The following SAFB variants were observed in gnomAD, a reference collection of about 807,000 sequenced individuals.
The protein encoded by SAFB is scaffold attachment factor B1.
Under a neutral mutation model 101.6 loss-of-function variants are expected in SAFB, and 15 were observed. The ratio of observed to expected loss-of-function variants is 0.15; its 90% CI spans 0.10 to 0.23. The LOEUF (loss-of-function observed/expected upper bound fraction) is 0.23. Ranked by LOEUF, SAFB falls within the 10% of genes least tolerant of loss-of-function variation. The pLI is 1.00. For missense variants in SAFB, 930 were observed against 1,104.1 expected (o/e 0.84, Z 2.23); for synonymous variants, 449 against 407.5 (o/e 1.10, Z -1.23).
At chr19:5,643,858 CAA>C (rs550517968) in intron 4 of SAFB, among the ~76,000 whole-genome samples, 12 of 114,472 alleles carry the variant, frequency 1.0e-4, no homozygotes, top group African/African-American at 1.7e-4. Flanking sequence ...GTGAGACTCT[CAA>C]AAAAAAAAAA....
intron 9 of SAFB, among the ~76,000 whole-genome samples, 164 bp downstream of exon 9, chr19:5,651,236 G>A (rs2053931886): frequency 6.6e-6 from 1 of 152,172 alleles, no homozygotes; most frequent in Non-Finnish European, 1.5e-5. Context: ...GGTGAGAGTG[G>A]TGTGGAAGCT....
chr19:5,627,089 C>G lies in SAFB; in HGVS notation c.274+600C>G, dbSNP rs2053381837. ...TACTTGGGAGTTTTAGGAGGGGGAT[C>G]ACTTGAGCCCAGGAGCTCAAGCCTG... On this transcript the variant is annotated intron_variant, in intron 2 of 20. Transcript: ENST00000588852. Among the ~76,000 whole-genome samples the G allele has an allele frequency of 2.0e-5, 3 of 151,892 alleles. No individual in the cohort carries two copies. The South Asian group carries it at 6.2e-4, about 32-fold the overall frequency.
intron 14 of SAFB, among the ~76,000 whole-genome samples, chr19:5,659,129 G>A (rs1479255717): frequency 8.0e-5 from 12 of 150,398 alleles, no homozygotes; most frequent in African/African-American, 2.9e-4. Context: ...GTGACAGAGC[G>A]AGACTCCGTC....
At chr19:5,665,336 G>A (rs1160704196) in intron 17 of SAFB, 1 of 152,066 alleles carries the variant, frequency 6.6e-6, no homozygotes, top group Non-Finnish European at 1.5e-5. Context: ...CCATGTAAAG[G>A]CTCCAGAATC....
intron 9 of SAFB, among the ~76,000 whole-genome samples, chr19:5,651,486 C>T (rs1356067773): frequency 6.6e-6 from 1 of 152,204 alleles, no homozygotes; most frequent in African/African-American, 2.4e-5. Flanking sequence ...TGATAGGGGT[C>T]CTCACCACGG....
At chr19:5,655,791 A>T (rs1211575421) in intron 13 of SAFB, among the ~76,000 whole-genome samples, 1 of 152,206 alleles carries the variant, frequency 6.6e-6, no homozygotes, top group Non-Finnish European at 1.5e-5. Flanking sequence ...CGGAAAAAGG[A>T]AAGTGTGGGT....
chr19:5,628,793 A>G (rs993399330), intron 2 of SAFB, among the ~76,000 whole-genome samples: 1 of 152,244 alleles, frequency 6.6e-6, no homozygotes, highest in East Asian at 1.9e-4. Flanking sequence ...ACTCAAGTAT[A>G]CTTCTGCCAA....
At chr19:5,653,940 C>T (rs2053996488) in intron 11 of SAFB, 121 bp from the exon 12 acceptor site, 1 of 788,496 alleles carries the variant, frequency 1.3e-6, no homozygotes. Context: ...GGGGTTTCAC[C>T]ATGTTGGCCA....
intron 2 of SAFB, among the ~76,000 whole-genome samples, chr19:5,626,996 T>A (rs574253629): frequency 3.1e-4 from 47 of 152,038 alleles, no homozygotes; most frequent in African/African-American, 1.1e-3. Flanking sequence ...TTGGGCAACA[T>A]AGGGAGACCC....
At chr19:5,626,582 G>T (rs1445701979) in intron 2 of SAFB, 93 bp downstream of exon 2, 1 of 767,492 alleles carries the variant, frequency 1.3e-6, no homozygotes, top group East Asian at 2.6e-5. Context: ...CTGTGTGTTG[G>T]ACTTGTGAAC....
At chr19:5,651,380 G>A (rs2053935040) in intron 9 of SAFB, among the ~76,000 whole-genome samples, 1 of 152,198 alleles carries the variant, frequency 6.6e-6, no homozygotes, top group Non-Finnish European at 1.5e-5. Context: ...TTGGCTGGTG[G>A]GGTGCTGGTC....
At chr19:5,654,032 C>T (rs201442712) in intron 11 of SAFB, 29 bp from the exon 12 acceptor site, 8 of 1,610,756 alleles carry the variant, frequency 5.0e-6, no homozygotes, top group Admixed American at 3.3e-5. Context: ...TGAGCCACCA[C>T]GCCCAGCCAA....
intron 17 of SAFB, chr19:5,664,807 T>G (rs1316200947): frequency 3.7e-6 from 1 of 270,294 alleles, no homozygotes; most frequent in Non-Finnish European, 7.2e-6. Context: ...CTGTGGTTGC[T>G]GTGTCTGTCC....
At chr19:5,626,658 G>A (rs143631634) in intron 2 of SAFB, among the ~76,000 whole-genome samples, 169 bp downstream of exon 2, 107 of 152,298 alleles carry the variant, frequency 7.0e-4, no homozygotes, top group African/African-American at 2.4e-3. Context: ...ACTGTGTTTT[G>A]TTTTCTTGGT....
At chr19:5,625,640 G>A (rs1038135249) in intron 1 of SAFB, among the ~76,000 whole-genome samples, 5 of 152,236 alleles carry the variant, frequency 3.3e-5, no homozygotes, top group Non-Finnish European at 5.9e-5. Context: ...CGTGATTGAC[G>A]TGTTCGGTAC....
chr19:5,628,678 A>G (rs2053421994), intron 2 of SAFB, among the ~76,000 whole-genome samples: 3 of 152,190 alleles, frequency 2.0e-5, no homozygotes, highest in Admixed American at 2.0e-4. Context: ...TAAATATCTG[A>G]GAGTCAGGCC....
chr19:5,648,175 A>G, intron 6 of SAFB, 132 bp downstream of exon 6: 1 of 735,124 alleles, frequency 1.4e-6, no homozygotes, highest in Non-Finnish European at 2.2e-6. Flanking sequence ...TTTACAATCC[A>G]AAACCTACCA....
intron 16 of SAFB, 62 bp from the exon 17 acceptor site, chr19:5,664,335 G>T: frequency 6.6e-7 from 1 of 1,509,504 alleles, no homozygotes. Flanking sequence ...GGGCCTGATG[G>T]TCCTCTCTTT....
intron 1 of SAFB, among the ~76,000 whole-genome samples, chr19:5,624,464 A>C (rs974075320): frequency 6.6e-6 from 1 of 152,010 alleles, no homozygotes; most frequent in Non-Finnish European, 1.5e-5. Context: ...CAGAGAGGCA[A>C]GTAAAGGTTA....
Sources: gnomAD v4.1 joint callset for allele counts (sites outside exome capture counted in the v4.1 genomes callset) on GRCh38, gnomAD v4.1.1 for gene constraint, MANE v1.5 for transcripts, NCBI Gene and HGNC (gene_info 2026-07-23, HGNC 2026-07-21) for gene names.